The following SIRT2 variants were observed in gnomAD, a reference collection of about 807,000 sequenced individuals.
SIRT2 encodes the protein sirtuin 2, also known as NAD-dependent protein deacetylase sirtuin-2.
SIRT2 carries 40 observed loss-of-function variants against 57.4 expected under a neutral mutation model. The observed-to-expected ratio is 0.70, with a 90% CI of 0.54 to 0.91. The LOEUF (loss-of-function observed/expected upper bound fraction) is 0.91, where lower values mean the gene tolerates loss of function less well. Ranked by LOEUF, SIRT2 falls within the 40% of genes least tolerant of loss-of-function variation. The pLI is 0.00. For synonymous variants in SIRT2, 161 were observed against 195.7 expected, an observed-to-expected ratio of 0.82 and a Z score of 1.48; for missense variants, 439 against 510.4, an observed-to-expected ratio of 0.86 and a Z score of 1.35.
intron 4 of SIRT2, chr19:38,891,699 T>A: frequency 2.9e-6 from 1 of 339,404 alleles, no homozygotes; most frequent in Non-Finnish European, 6.0e-6. Flanking sequence ...CCTCCCAAAA[T>A]GGTGGGATTA....
intron 11 of SIRT2, 78 bp downstream of exon 11, chr19:38,881,022 G>T: frequency 6.4e-7 from 1 of 1,559,252 alleles, no homozygotes; most frequent in Non-Finnish European, 8.8e-7. Context: ...CCTGAGGCAG[G>T]GCCCAGGCTG....
In SIRT2 at chr19:38,880,176, G is replaced by A. The variant is rs531100175; in HGVS notation, c.877-474C>T. 5.4e-6 allele frequency: 1 copy of A among 186,080 alleles called. No homozygotes were observed. Among genetic ancestry groups the A allele is most frequent in the East Asian group, 1.4e-4 (1 of 6,956 alleles). The allele number at this position is 186,080 out of a possible 1,614,324, so 11.5% of individuals were successfully genotyped here. ...TGTCCTCTCTGTGTCTTAGTTTCCT[G>A]TAGAATAGGGGTGATCACAAAACCG... is the stretch of plus-strand genomic sequence containing the variant. On this transcript the variant is annotated intron_variant, in intron 13 of 15. Transcript: ENST00000249396. This position sits in a 1 kb window ranked among gnomAD's most constrained non-coding sequence, Gnocchi z 4.1.
At position 38,899,055 on chromosome 19, in the gene SIRT2, T is replaced by C. The variant is rs2042799440; in HGVS notation, c.16+451A>G. The C allele has an allele frequency of 3.6e-5, 8 of 220,044 alleles. No individual in the cohort carries two copies. The South Asian group carries it at 6.0e-4, about 17-fold the overall frequency. The allele number at this position is 220,044 out of a possible 1,614,324, so 13.6% of individuals were successfully genotyped here. ...AAGGAAAAGAGAAGGGAAGAGACGC[T>C]TTGGCTGGGAGGCAGGTTTAGGAGG... On this transcript the variant is annotated intron_variant, in intron 1 of 15. Coordinates refer to ENST00000249396, the MANE Select transcript of SIRT2 (RefSeq NM_012237.4).
At chr19:38,891,585 G>A (rs1836993462) in intron 4 of SIRT2, among the ~76,000 whole-genome samples, 1 of 151,986 alleles carries the variant, frequency 6.6e-6, no homozygotes. Flanking sequence ...GAGCAGTGAG[G>A]TGAGGGTTGG....
At chr19:38,883,075 G>GTTT (rs61706756) in intron 9 of SIRT2, among the ~76,000 whole-genome samples, 138 of 110,300 alleles carry the variant, frequency 1.3e-3, no homozygotes, top group African/African-American at 2.5e-3. Flanking sequence ...GTGACTTCTT[G>GTTT]TTTTTTTTTT....
Position 38,881,113 on chromosome 19 carries a change from G to A in SIRT2, c.734C>T (p.Ser245Phe). 6.2e-7 allele frequency: 1 copy of A among 1,613,430 alleles called. No individual in the cohort carries two copies. The highest frequency in any genetic ancestry group is 1.1e-5 in the South Asian group (1 of 90,908). Residue 245 changes from serine (S) to phenylalanine (F), a missense_variant, in exon 11 of 16, where the codon TCC (serine) becomes TTC (phenylalanine). Coordinates refer to ENST00000249396, the MANE Select transcript of SIRT2 (RefSeq NM_012237.4). ...GGGGCCACTTACTGACTGCATACAG[G>A]AGAAGAAACGCGCTGGGAGGCTCTC... ...FGESLPARFFSCMQSDFLKVD... is the reference protein window; with the variant it reads ...FGESLPARFFFCMQSDFLKVD...
intron 4 of SIRT2, among the ~76,000 whole-genome samples, chr19:38,892,269 G>A (rs377112832): frequency 2.0e-5 from 3 of 151,890 alleles, no homozygotes; most frequent in African/African-American, 4.8e-5. Context: ...GGTGGTGTGC[G>A]TCTGTAATCC....
At chr19:38,886,064 G>A (rs1973327814) in intron 8 of SIRT2, among the ~76,000 whole-genome samples, 1 of 152,236 alleles carries the variant, frequency 6.6e-6, no homozygotes, top group East Asian at 1.9e-4. Context: ...CACTGGCAGA[G>A]GTTACGCAGA....
At chr19:38,888,004 T>G (rs906619995) in intron 8 of SIRT2, among the ~76,000 whole-genome samples, 12 of 152,142 alleles carry the variant, frequency 7.9e-5, no homozygotes, top group African/African-American at 2.9e-4. Flanking sequence ...TCTGCCCACC[T>G]CGGTGTCCCA....
At chr19:38,898,519 A>C (rs1973807752) in intron 1 of SIRT2, 94 bp from the exon 2 acceptor site, 1 of 542,752 alleles carries the variant, frequency 1.8e-6, no homozygotes. Context: ...AAGAACACCC[A>C]CCAACCTAGT....
chr19:38,895,461 A>G (rs1973686593), intron 2 of SIRT2, among the ~76,000 whole-genome samples: 1 of 152,104 alleles, frequency 6.6e-6, no homozygotes, highest in South Asian at 2.1e-4. Flanking sequence ...CTTGGAATGA[A>G]TGCCTGCTTC....
At chr19:38,899,480 C>T (rs1329678221) in intron 1 of SIRT2, 26 bp downstream of exon 1, 2 of 1,612,170 alleles carry the variant, frequency 1.2e-6, no homozygotes, top group African/African-American at 2.7e-5. Flanking sequence ...CGCGGCCCGA[C>T]CCTCCTACCC....
chr19:38,879,324 G>C lies in SIRT2; in HGVS notation c.1015-14C>G. ...CTCCAGCTCCTTCTGCAGGAGCAAA[G>C]GTCACAGAAGTCAAAGGTCACTGTG... On this transcript the variant is annotated splice_polypyrimidine_tract_variant and intron_variant, in intron 15 of 15. Coordinates refer to ENST00000249396, the MANE Select transcript of SIRT2 (RefSeq NM_012237.4). 2.5e-6 allele frequency: 4 copies of C among 1,613,330 alleles called. No individual in the cohort carries two copies. Among genetic ancestry groups the C allele is most frequent in the Non-Finnish European group, 3.4e-6 (4 of 1,179,792 alleles).
intron 9 of SIRT2, among the ~76,000 whole-genome samples, chr19:38,882,297 G>A (rs563060071): frequency 9.9e-5 from 15 of 152,094 alleles, no homozygotes; most frequent in Non-Finnish European, 1.8e-4. Context: ...TTACAGGCAT[G>A]AGCCACTGTG....
At position 38,880,831 on chromosome 19, in the gene SIRT2, G is replaced by A; in HGVS notation, c.814C>T (p.Leu272Phe). The A allele has an allele frequency of 6.2e-7, 1 of 1,613,870 alleles. No individual in the cohort carries two copies. The highest frequency in any genetic ancestry group is 8.5e-7 in the Non-Finnish European group (1 of 1,179,922). ...TSLQVQPFAS[L>F]ISKAPLSTPR... ...CAGCCCCCAACCTACTTGCTGATGAGGGAGGCAAAGGGCTGCACCTGCAAG... is the reference window on the plus strand; with the variant it reads ...CAGCCCCCAACCTACTTGCTGATGAAGGAGGCAAAGGGCTGCACCTGCAAG... The change falls in exon 12 of 16, where the codon CTC (leucine) becomes TTC (phenylalanine). Residue 272 changes from leucine (L) to phenylalanine (F), a missense_variant. Transcript: ENST00000249396. This position sits in a 1 kb window ranked among gnomAD's most constrained non-coding sequence, Gnocchi z 4.1.
chr19:38,894,081 T>A, intron 2 of SIRT2: 1 of 920,598 alleles, frequency 1.1e-6, no homozygotes, highest in Non-Finnish European at 1.6e-6. Flanking sequence ...GAGCAAGACC[T>A]CATGTGAGTG....
Position 38,878,810 on chromosome 19 carries a change from G to T in SIRT2, c.*345C>A. On this transcript the variant is annotated 3_prime_UTR_variant, in exon 16 of 16. Coordinates refer to ENST00000249396, the MANE Select transcript of SIRT2 (RefSeq NM_012237.4). ...GGCCCCCGGGGGCAGGAGACAGAGT[G>T]GGGGCCCGAAGCTCCCTGTCCTGGA... The T allele has an allele frequency of 4.6e-6, 1 of 217,176 alleles. No individual in the cohort carries two copies. Among genetic ancestry groups the T allele is most frequent in the East Asian group, 1.1e-4 (1 of 9,336 alleles). The allele number at this position is 217,176 out of a possible 1,614,324, so 13.5% of individuals were successfully genotyped here.
chr19:38,890,203 C>T, intron 4 of SIRT2, 59 bp from the exon 5 acceptor site: 1 of 1,556,992 alleles, frequency 6.4e-7, no homozygotes, highest in Non-Finnish European at 8.9e-7. Flanking sequence ...TACGATAGCA[C>T]CACCCATCAC....
chr19:38,889,191 A>G lies in SIRT2; in HGVS notation c.433-36T>C, dbSNP rs45525435. On this transcript the variant is annotated intron_variant, in intron 7 of 15. Transcript: ENST00000249396. ...GAGCGACAGCACTGCTGACGACTGCAGGGAACAGCCACAGGCCACTGCCGC... is the reference window on the plus strand; with the variant it reads ...GAGCGACAGCACTGCTGACGACTGCGGGGAACAGCCACAGGCCACTGCCGC... The G allele has an allele frequency of 8.6e-4, 1,365 of 1,593,708 alleles. 15 individuals carry two copies. In the East Asian group the frequency reaches 0.029, roughly 33 times the overall value.
Sources: allele counts gnomAD v4.1 joint callset (sites outside exome capture counted in the v4.1 genomes callset), GRCh38; gene constraint gnomAD v4.1.1; non-coding constraint Gnocchi (gnomAD v3.1); transcripts MANE v1.5; gene names NCBI Gene and HGNC (gene_info 2026-07-23, HGNC 2026-07-21).